CACNA2D3: variants seen among roughly 807,000 people sequenced by gnomAD.
CACNA2D3 encodes calcium voltage-gated channel auxiliary subunit alpha2delta 3.
In CACNA2D3, 60 loss-of-function variants were observed where a neutral mutation model predicts 160.6. That is an observed-to-expected ratio of 0.37 (90% CI 0.30 to 0.46). The LOEUF is 0.46. Ranked by LOEUF, CACNA2D3 falls within the 20% of genes least tolerant of loss-of-function variation. The pLI is 1.00. For synonymous variants in CACNA2D3, 558 were observed against 492.9 expected, an observed-to-expected ratio of 1.13 and a Z score of -1.75; for missense variants, 1,205 against 1,365.0, an observed-to-expected ratio of 0.88 and a Z score of 1.85.
chr3:54,662,130 A>T (rs1461512799), intron 11 of CACNA2D3, among the ~76,000 whole-genome samples: 5 of 152,022 alleles, frequency 3.3e-5, no homozygotes. Context: ...GTTCGTTAGC[A>T]CATAGTAGCT....
chr3:55,057,157 C>G (rs1704383401), intron 35 of CACNA2D3, among the ~76,000 whole-genome samples: 1 of 152,234 alleles, frequency 6.6e-6, no homozygotes, highest in East Asian at 1.9e-4. Flanking sequence ...TAAGACGTCC[C>G]TTTGCTCTTC....
At chr3:54,463,884 T>C (rs1297144999) in intron 4 of CACNA2D3, among the ~76,000 whole-genome samples, 1 of 152,232 alleles carries the variant, frequency 6.6e-6, no homozygotes, top group Non-Finnish European at 1.5e-5. Flanking sequence ...GCTCTGTTTT[T>C]TCCCCATCTT....
At chr3:54,757,107 A>T (rs914154064) in intron 12 of CACNA2D3, among the ~76,000 whole-genome samples, 4 of 152,236 alleles carry the variant, frequency 2.6e-5, no homozygotes, top group Non-Finnish European at 5.9e-5. Context: ...CAGACATTTC[A>T]CAAAGCCATG....
At chr3:54,444,722 G>C (rs1016822005) in intron 4 of CACNA2D3, among the ~76,000 whole-genome samples, 12 of 152,186 alleles carry the variant, frequency 7.9e-5, no homozygotes, top group African/African-American at 2.9e-4. Context: ...TTAATGGTTA[G>C]TCTGAATTTT....
intron 2 of CACNA2D3, among the ~76,000 whole-genome samples, chr3:54,178,429 A>G (rs539547147): frequency 3.3e-4 from 50 of 152,280 alleles, no homozygotes; most frequent in African/African-American, 1.2e-3. Context: ...AGGAAGAGAG[A>G]AGCCAGCATT....
At chr3:54,337,908 T>C (rs1704423658) in intron 3 of CACNA2D3, among the ~76,000 whole-genome samples, 1 of 152,110 alleles carries the variant, frequency 6.6e-6, no homozygotes, top group South Asian at 2.1e-4. Context: ...TCCACAGGGG[T>C]AGATCAAGCC....
In CACNA2D3 at chr3:54,283,353, C is replaced by G. The variant is rs78027057; in HGVS notation, c.205-37089C>G. Among the ~76,000 whole-genome samples, 591 of 152,294 alleles carry G rather than the reference C, an allele frequency of 3.9e-3. 15 individuals are homozygous for G. The East Asian group carries it at 0.063, about 16-fold the overall frequency. ...GGAAGAGATAGACTTTAAGGGTCCT[C>G]CCTCCATGGATATCTCCTGATGCTG... On this transcript the variant is annotated intron_variant, in intron 2 of 37. Coordinates refer to ENST00000474759, the MANE Select transcript of CACNA2D3 (RefSeq NM_018398.3).
intron 29 of CACNA2D3, among the ~76,000 whole-genome samples, chr3:54,981,278 C>T (rs985522762): frequency 6.6e-6 from 1 of 152,152 alleles, no homozygotes; most frequent in Admixed American, 6.5e-5. Flanking sequence ...GTCCTAGGCT[C>T]GCACTGTATC....
chr3:54,746,972 T>TA (rs1404291233), intron 11 of CACNA2D3, among the ~76,000 whole-genome samples: 3 of 152,172 alleles, frequency 2.0e-5, no homozygotes, highest in African/African-American at 4.8e-5. Flanking sequence ...ACAAGCTTTT[T>TA]AAAAAATGTC....
At chr3:54,750,193 C>G (rs1701831962) in intron 11 of CACNA2D3, among the ~76,000 whole-genome samples, 2 of 152,170 alleles carry the variant, frequency 1.3e-5, no homozygotes, top group Non-Finnish European at 2.9e-5. Flanking sequence ...TATATGAAGG[C>G]TCTTCGTCTA....
intron 5 of CACNA2D3, among the ~76,000 whole-genome samples, chr3:54,518,524 T>C (rs1701592394): frequency 6.6e-6 from 1 of 152,192 alleles, no homozygotes; most frequent in Non-Finnish European, 1.5e-5. Flanking sequence ...GGGCCAGTCA[T>C]CTGGGACCAG....
intron 4 of CACNA2D3, 70 bp downstream of exon 4, chr3:54,386,844 A>G (rs1699196295): frequency 4.4e-6 from 6 of 1,357,956 alleles, no homozygotes; most frequent in African/African-American, 1.5e-5. Flanking sequence ...CAGGTATACC[A>G]GGAATACTGA....
At chr3:54,801,889 C>A (rs1228853702) in intron 13 of CACNA2D3, among the ~76,000 whole-genome samples, 1 of 151,942 alleles carries the variant, frequency 6.6e-6, no homozygotes, top group Non-Finnish European at 1.5e-5. Context: ...TAAGATAATA[C>A]CCAATTTCAT....
At chr3:54,618,375 G>GCACACACACACACACACACACACA (rs56788185) in intron 9 of CACNA2D3, among the ~76,000 whole-genome samples, 3 of 115,514 alleles carry the variant, frequency 2.6e-5, no homozygotes, top group African/African-American at 1.0e-4. Flanking sequence ...ATATATATAT[G>GCACACACACACACACACACACACA]CACACACACA....
chr3:54,226,412 C>T (rs1369100562), intron 2 of CACNA2D3, among the ~76,000 whole-genome samples: 1 of 149,456 alleles, frequency 6.7e-6, no homozygotes, highest in Non-Finnish European at 1.5e-5. Context: ...AAGCAATTCT[C>T]CCACCACAGC....
chr3:54,478,660 G>GTGTATGTATATATATATATATATATA, intron 4 of CACNA2D3, among the ~76,000 whole-genome samples: 13 of 36,376 alleles, frequency 3.6e-4, no homozygotes, highest in African/African-American at 9.4e-4. Context: ...ATATGTGTGT[G>GTGTATGTATATATATATATATATATA]TATATATATA....
At chr3:54,593,900 A>G (rs1559521401) in intron 9 of CACNA2D3, among the ~76,000 whole-genome samples, 1 of 152,220 alleles carries the variant, frequency 6.6e-6, no homozygotes, top group South Asian at 2.1e-4. Flanking sequence ...AAGGCTACAC[A>G]AGTGATCTAG....
intron 9 of CACNA2D3, chr3:54,626,109 AT>A: frequency 1.7e-6 from 1 of 594,004 alleles, no homozygotes; most frequent in Non-Finnish European, 3.0e-6. Context: ...AAAAGTGGGG[AT>A]GCCTTTGGGG....
At chr3:54,514,831 G>A (rs990585371) in intron 5 of CACNA2D3, among the ~76,000 whole-genome samples, 4 of 152,174 alleles carry the variant, frequency 2.6e-5, no homozygotes, top group African/African-American at 9.7e-5. Flanking sequence ...CAAGCTATTG[G>A]TAAGTAGTCC....
Sources: allele counts gnomAD v4.1 joint callset (sites outside exome capture counted in the v4.1 genomes callset), GRCh38; gene constraint gnomAD v4.1.1; transcripts MANE v1.5; gene names NCBI Gene and HGNC (gene_info 2026-07-23, HGNC 2026-07-21).